CPQ: variants seen among roughly 807,000 people sequenced by gnomAD.
The protein encoded by CPQ is Ser-Met dipeptidase.
In CPQ, 37 loss-of-function variants were observed where a neutral mutation model predicts 45.7. The observed-to-expected ratio is 0.81, with a 90% CI of 0.62 to 1.07. CPQ has a LOEUF of 1.07. CPQ is among the 50% of genes least tolerant of loss of function. The probability of loss-of-function intolerance (pLI) is 0.00; values close to 1 mark genes in which losing one functional copy is unlikely to be tolerated. For missense variants in CPQ, 537 were observed against 572.9 expected, an observed-to-expected ratio of 0.94 and a Z score of 0.64; for synonymous variants, 186 against 205.8, an observed-to-expected ratio of 0.90 and a Z score of 0.82.
rs540051273 is a variant in CPQ at position 96,995,280 on chromosome 8, T to C, written c.961+29234T>C. 5.7e-4 allele frequency among the ~76,000 whole-genome samples: 86 copies of C among 152,202 alleles called. No homozygotes were observed. The South Asian group carries it at 0.017, about 30-fold the overall frequency. Reference sequence around the variant, plus strand: ...AAAGTTTATAAGAGGGCCTAAAATATAGTAAATGCTCAAGAAATATCATTA... The same window carrying C: ...AAAGTTTATAAGAGGGCCTAAAATACAGTAAATGCTCAAGAAATATCATTA... On this transcript the variant is annotated intron_variant, in intron 5 of 7. Coordinates refer to ENST00000220763, the MANE Select transcript of CPQ (RefSeq NM_016134.4).
At chr8:96,665,164 G>A (rs910204415) in intron 1 of CPQ, among the ~76,000 whole-genome samples, 3 of 152,176 alleles carry the variant, frequency 2.0e-5, no homozygotes, top group African/African-American at 2.4e-5. Flanking sequence ...TGAATCGATT[G>A]TAGAGAGCCA....
At chr8:96,765,747 A>T (rs2130794790) in intron 1 of CPQ, among the ~76,000 whole-genome samples, 1 of 152,302 alleles carries the variant, frequency 6.6e-6, no homozygotes, top group East Asian at 1.9e-4. Flanking sequence ...AATTCCAAAC[A>T]GTATTATTCA....
chr8:96,997,729 A>G (rs1262985046), intron 5 of CPQ, among the ~76,000 whole-genome samples: 1 of 151,992 alleles, frequency 6.6e-6, no homozygotes, highest in East Asian at 1.9e-4. Context: ...ATTTCACTTG[A>G]CTTGAGGCTT....
intron 6 of CPQ, among the ~76,000 whole-genome samples, chr8:97,043,429 A>T (rs1475974325): frequency 6.6e-6 from 1 of 151,246 alleles, no homozygotes; most frequent in Admixed American, 6.6e-5. Context: ...ATGGGTCTTG[A>T]CTCTTTATCC....
At chr8:96,883,751 C>T (rs553118041) in intron 4 of CPQ, among the ~76,000 whole-genome samples, 1 of 152,284 alleles carries the variant, frequency 6.6e-6, no homozygotes, top group African/African-American at 2.4e-5. Flanking sequence ...ATGAAGACTG[C>T]TTTGATAACA....
At chr8:96,855,828 A>T (rs1199362671) in intron 3 of CPQ, among the ~76,000 whole-genome samples, 1 of 152,368 alleles carries the variant, frequency 6.6e-6, no homozygotes, top group East Asian at 1.9e-4. Flanking sequence ...GACAGGGGGA[A>T]GTTACACTAG....
chr8:96,809,788 G>GA (rs1811137053), intron 2 of CPQ, among the ~76,000 whole-genome samples: 1 of 151,934 alleles, frequency 6.6e-6, no homozygotes, highest in Non-Finnish European at 1.5e-5. Context: ...GTTCCCTCAT[G>GA]AAAAAAATAG....
At chr8:96,799,081 A>G (rs1563499856) in intron 2 of CPQ, among the ~76,000 whole-genome samples, 1 of 152,228 alleles carries the variant, frequency 6.6e-6, no homozygotes, top group Non-Finnish European at 1.5e-5. Flanking sequence ...TCCATGTCAT[A>G]TCCAAATAAC....
chr8:96,841,036 T>C (rs1006092641), intron 3 of CPQ, among the ~76,000 whole-genome samples: 22 of 152,202 alleles, frequency 1.4e-4, no homozygotes, highest in African/African-American at 5.3e-4. Flanking sequence ...TCTTTTTTTA[T>C]ATACTTTATT....
intron 7 of CPQ, among the ~76,000 whole-genome samples, chr8:97,123,211 T>TAAAA (rs1563587408): frequency 1.5e-5 from 1 of 67,818 alleles, no homozygotes; most frequent in Non-Finnish European, 2.9e-5. Context: ...AAATAAAAAA[T>TAAAA]AAAATAAAAT....
At chr8:96,795,222 G>C (rs761236103) in intron 2 of CPQ, among the ~76,000 whole-genome samples, 3 of 152,324 alleles carry the variant, frequency 2.0e-5, no homozygotes, top group Non-Finnish European at 4.4e-5. Flanking sequence ...GGCTGGGGAA[G>C]TCTCACAATC....
chr8:96,718,943 G>T (rs893800552), intron 1 of CPQ, among the ~76,000 whole-genome samples: 1 of 152,204 alleles, frequency 6.6e-6, no homozygotes, highest in Non-Finnish European at 1.5e-5. Context: ...ACAGAGTGCC[G>T]ATTGCTGTAT....
At chr8:96,868,850 A>C (rs528136075) in intron 3 of CPQ, among the ~76,000 whole-genome samples, 8 of 152,054 alleles carry the variant, frequency 5.3e-5, no homozygotes, top group African/African-American at 1.4e-4. Flanking sequence ...AAAATATTCC[A>C]CTGAAATTGA....
chr8:96,991,503 C>T (rs1809091250), intron 5 of CPQ, among the ~76,000 whole-genome samples: 1 of 151,104 alleles, frequency 6.6e-6, no homozygotes, highest in Non-Finnish European at 1.5e-5. Flanking sequence ...TTGCAGTGAG[C>T]CAAAATTGCA....
chr8:96,857,855 CTG>C (rs1811870534), intron 3 of CPQ, among the ~76,000 whole-genome samples: 1 of 152,162 alleles, frequency 6.6e-6, no homozygotes, highest in African/African-American at 2.4e-5. Flanking sequence ...CTGTCAAAAA[CTG>C]AGTTTAGCAT....
At chr8:97,038,260 A>G (rs1383960611) in intron 6 of CPQ, among the ~76,000 whole-genome samples, 3 of 152,230 alleles carry the variant, frequency 2.0e-5, no homozygotes, top group Non-Finnish European at 2.9e-5. Flanking sequence ...TTTCTTGTCA[A>G]TTATTTGGCT....
chr8:96,824,404 C>T (rs1811351430), intron 2 of CPQ, among the ~76,000 whole-genome samples: 1 of 152,034 alleles, frequency 6.6e-6, no homozygotes, highest in Non-Finnish European at 1.5e-5. Context: ...ATAGCTATTT[C>T]TGATATCATT....
At chr8:96,714,449 T>C (rs879918443) in intron 1 of CPQ, among the ~76,000 whole-genome samples, 2 of 152,188 alleles carry the variant, frequency 1.3e-5, no homozygotes, top group Admixed American at 6.5e-5. Context: ...CTCTGCATTT[T>C]GTAATTCCCC....
At chr8:96,813,025 A>T (rs1225762454) in intron 2 of CPQ, among the ~76,000 whole-genome samples, 1 of 152,122 alleles carries the variant, frequency 6.6e-6, no homozygotes, top group Non-Finnish European at 1.5e-5. Context: ...TGGTTATAAA[A>T]TAAAGTGATT....
Sources: gnomAD v4.1 joint callset for allele counts (sites outside exome capture counted in the v4.1 genomes callset) on GRCh38, gnomAD v4.1.1 for gene constraint, MANE v1.5 for transcripts, NCBI Gene and HGNC (gene_info 2026-07-23, HGNC 2026-07-21) for gene names.